The following ABCA9 variants were observed in gnomAD, a reference collection of about 807,000 sequenced individuals.
The protein encoded by ABCA9 is ATP-binding cassette sub-family A member 9.
Under a neutral mutation model 205.3 loss-of-function variants are expected in ABCA9, and 183 were observed. The ratio of observed to expected loss-of-function variants is 0.89; its 90% CI spans 0.79 to 1.01. The LOEUF is 1.01. ABCA9 is among the 50% of genes least tolerant of loss of function. ABCA9 has a pLI of 0.00. For synonymous variants in ABCA9, 651 were observed against 683.3 expected, an observed-to-expected ratio of 0.95 and a Z score of 0.74; for missense variants, 1,805 against 1,912.4, an observed-to-expected ratio of 0.94 and a Z score of 1.05.
In ABCA9 at chr17:69,016,529, T is replaced by C. The variant is rs578054782; in HGVS notation, c.2902-139A>G. The stretch of plus-strand genomic sequence containing the variant: ...TGAATGTGATTAATATCACTATCAC[T>C]CATAATATTTGATTAATTCTTAAGT... On this transcript the variant is annotated intron_variant, in intron 21 of 38. Coordinates refer to ENST00000340001, the MANE Select transcript of ABCA9 (RefSeq NM_080283.4). The C allele has an allele frequency of 1.6e-5, 12 of 727,910 alleles. No homozygotes were observed. In the African/African-American group the frequency reaches 2.2e-4, roughly 14 times the overall value. 45.1% of individuals were successfully genotyped at this position (727,910 alleles called of 1,614,324 possible).
chr17:68,993,071 G>A lies in ABCA9; in HGVS notation c.3569C>T (p.Ser1190Phe). Residue 1190 changes from serine to phenylalanine, a missense_variant, in exon 27 of 39, where the codon TCC (serine) becomes TTC (phenylalanine). By Grantham distance (155) the Ser-to-Phe change is radical. Coordinates refer to ENST00000340001, the MANE Select transcript of ABCA9 (RefSeq NM_080283.4). Reference protein sequence around the residue: ...LFIFSEISPDSMDYLGASESE... With the variant: ...LFIFSEISPDFMDYLGASESE... ...TTCTGAAGCTCCTAAGTAATCCATG[G>A]AATCAGGAGAAATCTGTAAAATGAG... The A allele has an allele frequency of 6.2e-7, 1 of 1,613,382 alleles. No homozygotes were observed. Among genetic ancestry groups the A allele is most frequent in the Non-Finnish European group, 8.5e-7 (1 of 1,179,502 alleles).
chr17:69,035,502 A>C, intron 7 of ABCA9, 71 bp from the exon 8 acceptor site: 1 of 1,379,376 alleles, frequency 7.2e-7, no homozygotes. Context: ...GGAATTTTAT[A>C]TTATAAAAGT....
chr17:68,989,969 A>T, intron 29 of ABCA9, 39 bp from the exon 30 acceptor site: 1 of 1,397,728 alleles, frequency 7.2e-7, no homozygotes. Context: ...CTTTATTCGC[A>T]TCTTGAACTG....
At chr17:69,029,019 G>GTT (rs141967149) in intron 11 of ABCA9, 150 bp downstream of exon 11, 29 of 415,460 alleles carry the variant, frequency 7.0e-5, no homozygotes, top group African/African-American at 2.3e-4. Context: ...TGTTTTATGG[G>GTT]TTTTTTTTTT....
chr17:68,982,691 C>T, intron 36 of ABCA9, 50 bp from the exon 37 acceptor site: 1 of 1,432,614 alleles, frequency 7.0e-7, no homozygotes, highest in Admixed American at 1.7e-5. Context: ...AGGTTGAAAC[C>T]CCGATGGGTA....
chr17:69,027,579 A>G, intron 13 of ABCA9, 61 bp downstream of exon 13: 1 of 1,582,044 alleles, frequency 6.3e-7, no homozygotes, highest in Non-Finnish European at 8.6e-7. Flanking sequence ...ACTTAGCACA[A>G]TATTTTCTAG....
At chr17:69,027,189 A>T in intron 14 of ABCA9, 75 bp from the exon 15 acceptor site, 1 of 1,584,406 alleles carries the variant, frequency 6.3e-7, no homozygotes. Flanking sequence ...GTACTTTTAA[A>T]AGTATTTGGG....
At chr17:68,992,782 C>T (rs2069493154) in intron 27 of ABCA9, 2 of 378,158 alleles carry the variant, frequency 5.3e-6, no homozygotes, top group South Asian at 3.5e-5. Context: ...CATTGCACTC[C>T]AGTCTGGGCA....
intron 30 of ABCA9, 138 bp from the exon 31 acceptor site, chr17:68,989,256 TCACACACACACACACA>T (rs71293542): frequency 2.3e-4 from 57 of 243,100 alleles, no homozygotes; most frequent in Non-Finnish European, 3.4e-4. Flanking sequence ...TCTCTCTCTC[TCACACACACACACACA>T]CACACACACA....
At chr17:69,028,513 C>G in intron 12 of ABCA9, 22 bp downstream of exon 12, 1 of 1,487,006 alleles carries the variant, frequency 6.7e-7, no homozygotes, top group Non-Finnish European at 9.3e-7. Context: ...AGGTACTTGT[C>G]CTTGGATAAC....
At chr17:69,004,608 G>A (rs2070041200) in intron 25 of ABCA9, 1 of 152,848 alleles carries the variant, frequency 6.5e-6, no homozygotes, top group African/African-American at 2.4e-5. Flanking sequence ...TACAGAGGCA[G>A]GTAGGCCTCC....
At chr17:69,060,414 T>G (rs943077692) in intron 1 of ABCA9, among the ~76,000 whole-genome samples, 1 of 152,176 alleles carries the variant, frequency 6.6e-6, no homozygotes, top group African/African-American at 2.4e-5. Flanking sequence ...TAAAAATCTT[T>G]CCTTAAGTTT....
intron 26 of ABCA9, among the ~76,000 whole-genome samples, chr17:68,995,276 A>T (rs1003232938): frequency 6.6e-6 from 1 of 152,070 alleles, no homozygotes; most frequent in Non-Finnish European, 1.5e-5. Context: ...TTGTTCTCTT[A>T]TCTCCCTGGC....
In ABCA9 at chr17:68,993,053, G is replaced by A; in HGVS notation, c.3587C>T (p.Ala1196Val). Reference sequence around the variant, plus strand: ...CAGGTATACAATTTCAGATTCTGAAGCTCCTAAGTAATCCATGGAATCAGG... The same window carrying A: ...CAGGTATACAATTTCAGATTCTGAAACTCCTAAGTAATCCATGGAATCAGG... ...ISPDSMDYLG[A>V]SESEIVYLAL... is the part of the protein sequence containing the mutation. The change falls in exon 27 of 39, where the codon GCT (alanine) becomes GTT (valine). Residue 1196 changes from alanine (A) to valine (V), a missense_variant. Transcript: ENST00000340001. 1 of 1,613,670 alleles carries A rather than the reference G, an allele frequency of 6.2e-7. No homozygotes were observed. Among genetic ancestry groups the A allele is most frequent in the Non-Finnish European group, 8.5e-7 (1 of 1,179,762 alleles).
chr17:69,045,252 A>C lies in ABCA9; in HGVS notation c.389T>G (p.Phe130Cys), dbSNP rs756921901. The change falls in exon 4 of 39, where the codon TTT becomes TGT. Residue 130 changes from phenylalanine to cysteine, a missense_variant. Physicochemically the swap from Phe to Cys is radical, Grantham distance 205. Coordinates refer to ENST00000340001, the MANE Select transcript of ABCA9 (RefSeq NM_080283.4). ...CAAATGGTAGGAGAAGGTATCAGTA[A>C]AGATGACTCTCACTGCGTCTATTGA... Reference protein sequence around the residue: ...NYSIDAVRVIFTDTFSYHLKF... With the variant: ...NYSIDAVRVICTDTFSYHLKF... 5.6e-6 allele frequency: 9 copies of C among 1,613,406 alleles called. No homozygotes were observed. Among genetic ancestry groups the C allele is most frequent in the Non-Finnish European group, 7.6e-6 (9 of 1,179,648 alleles).
intron 20 of ABCA9, chr17:69,018,034 G>C (rs2070685582): frequency 2.2e-6 from 1 of 448,748 alleles, no homozygotes; most frequent in South Asian, 4.3e-5. Context: ...AAGAATTGCT[G>C]TTAACATTAT....
intron 32 of ABCA9, 54 bp from the exon 33 acceptor site, chr17:68,985,182 G>C: frequency 6.2e-7 from 1 of 1,605,974 alleles, no homozygotes; most frequent in East Asian, 2.3e-5. Flanking sequence ...ATGTACATGG[G>C]AGAATGAGCA....
chr17:68,980,656 C>A (rs370205891), intron 37 of ABCA9, among the ~76,000 whole-genome samples: 2 of 150,548 alleles, frequency 1.3e-5, no homozygotes, highest in East Asian at 2.0e-4. Flanking sequence ...AAGCTGGAAA[C>A]CATCATTCTC....
At chr17:69,001,372 A>T (rs1460076467) in intron 25 of ABCA9, among the ~76,000 whole-genome samples, 2 of 151,836 alleles carry the variant, frequency 1.3e-5, no homozygotes, top group South Asian at 4.2e-4. Flanking sequence ...CTATTGAGAT[A>T]ATCATGTGGT....
Sources: allele counts gnomAD v4.1 joint callset (sites outside exome capture counted in the v4.1 genomes callset), GRCh38; gene constraint gnomAD v4.1.1; transcripts MANE v1.5; gene names NCBI Gene and HGNC (gene_info 2026-07-23, HGNC 2026-07-21).